PHKA1: variants seen among roughly 807,000 people sequenced by gnomAD.
PHKA1 encodes the protein phosphorylase kinase regulatory subunit alpha 1, also known as phosphorylase b kinase regulatory subunit alpha, skeletal muscle isoform.
PHKA1 carries 60 observed loss-of-function variants against 110.2 expected under a neutral mutation model. The observed-to-expected ratio is 0.54, with a 90% CI of 0.44 to 0.68. The LOEUF (loss-of-function observed/expected upper bound fraction) is 0.68, where lower values mean the gene tolerates loss of function less well. PHKA1 is among the 30% of genes least tolerant of loss of function. PHKA1 has a pLI of 0.00. For missense variants in PHKA1, 801 were observed against 942.5 expected (o/e 0.85, Z 1.97); for synonymous variants, 316 against 333.6 (o/e 0.95, Z 0.58).
intron 13 of PHKA1, among the ~76,000 whole-genome samples, chrX:72,648,873 TA>T (rs1292481679): frequency 1.8e-5 from 2 of 112,256 alleles, no homozygotes; most frequent in African/African-American, 6.5e-5. Flanking sequence ...AGTGAATGGC[TA>T]AAAGTATAGG....
At position 72,648,092 on chromosome X, in the gene PHKA1, T is replaced by C. The variant is rs889960263; in HGVS notation, c.1324+2298A>G. On this transcript the variant is annotated intron_variant, in intron 13 of 31. Coordinates refer to ENST00000373542, the MANE Select transcript of PHKA1 (RefSeq NM_002637.4). The stretch of plus-strand genomic sequence containing the variant: ...AAGGGAAGATAAAAAAGTGGAAGTT[T>C]GGATGAGAAAGAAAGAAGCTATATA... Among the ~76,000 whole-genome samples the C allele has an allele frequency of 6.3e-5, 7 of 111,412 alleles. 1 individual carries two copies. Among genetic ancestry groups the C allele is most frequent in the Non-Finnish European group, 1.3e-4 (7 of 53,042 alleles).
At chrX:72,656,703 A>G (rs1306503418) in intron 9 of PHKA1, among the ~76,000 whole-genome samples, 1 of 111,916 alleles carries the variant, frequency 8.9e-6, no homozygotes, top group East Asian at 2.8e-4. Context: ...GGGCAAGGGA[A>G]TAACAGAAAG....
chrX:72,666,096 C>T, intron 8 of PHKA1, 55 bp downstream of exon 8: 8 of 1,163,813 alleles, frequency 6.9e-6, no homozygotes, highest in Non-Finnish European at 9.4e-6. Context: ...CCCAAAGGCA[C>T]AATTTATCCT....
At chrX:72,620,292 A>G (rs1006639954) in intron 19 of PHKA1, among the ~76,000 whole-genome samples, 5 of 111,925 alleles carry the variant, frequency 4.5e-5, no homozygotes, top group Non-Finnish European at 9.4e-5. Flanking sequence ...AATACAACTG[A>G]AGGAGGGTAG....
intron 5 of PHKA1, among the ~76,000 whole-genome samples, chrX:72,683,203 C>G (rs1411760973): frequency 1.8e-5 from 2 of 111,867 alleles, no homozygotes; most frequent in Non-Finnish European, 3.8e-5. Flanking sequence ...TTTGAGAGGC[C>G]TAGGAGGGTG....
intron 30 of PHKA1, among the ~76,000 whole-genome samples, chrX:72,583,238 T>G (rs1202185150): frequency 9.0e-6 from 1 of 111,606 alleles, no homozygotes; most frequent in Non-Finnish European, 1.9e-5. Context: ...TCTTTGTTAC[T>G]TACTAGTTAT....
At chrX:72,598,408 A>C (rs1443954415) in intron 28 of PHKA1, among the ~76,000 whole-genome samples, 1 of 111,856 alleles carries the variant, frequency 8.9e-6, no homozygotes, top group Non-Finnish European at 1.9e-5. Context: ...TGCTGGTGGG[A>C]ATGTAAAATG....
At chrX:72,706,460 A>C (rs1230108014) in intron 2 of PHKA1, among the ~76,000 whole-genome samples, 1 of 111,717 alleles carries the variant, frequency 9.0e-6, no homozygotes, top group Non-Finnish European at 1.9e-5. Flanking sequence ...TGTTATGGAA[A>C]GTATTTAACA....
At chrX:72,615,994 A>C (rs1342777670) in intron 21 of PHKA1, among the ~76,000 whole-genome samples, 1 of 112,167 alleles carries the variant, frequency 8.9e-6, no homozygotes, top group Non-Finnish European at 1.9e-5. Flanking sequence ...ACATGGACTA[A>C]AAGTGAGCGG....
intron 5 of PHKA1, among the ~76,000 whole-genome samples, chrX:72,680,556 C>A (rs2053835637): frequency 8.9e-6 from 1 of 112,976 alleles, no homozygotes; most frequent in Non-Finnish European, 1.9e-5. Context: ...TGAAATAGTT[C>A]ATCACTAGAA....
chrX:72,664,088 T>G (rs1473137345), intron 8 of PHKA1, among the ~76,000 whole-genome samples: 1 of 111,300 alleles, frequency 9.0e-6, no homozygotes, highest in Non-Finnish European at 1.9e-5. Flanking sequence ...AAGTCCTCAT[T>G]TATCAATAAT....
At chrX:72,681,422 G>A (rs1326441286) in intron 5 of PHKA1, among the ~76,000 whole-genome samples, 18 of 111,492 alleles carry the variant, frequency 1.6e-4, no homozygotes, top group Admixed American at 9.4e-5. Context: ...CGCCCGGCCA[G>A]CCGCCCCATC....
chrX:72,659,255 G>A (rs1556303020), intron 8 of PHKA1, among the ~76,000 whole-genome samples: 1 of 111,177 alleles, frequency 9.0e-6, no homozygotes, highest in Non-Finnish European at 1.9e-5. Context: ...GCACTTTTCA[G>A]ATGGTTCCTG....
intron 4 of PHKA1, among the ~76,000 whole-genome samples, chrX:72,694,701 C>T (rs1412546353): frequency 8.9e-6 from 1 of 111,957 alleles, no homozygotes; most frequent in Non-Finnish European, 1.9e-5. Context: ...AATCAATAAA[C>T]ATTTGTTGAA....
chrX:72,688,341 A>T (rs1301560163), intron 4 of PHKA1, among the ~76,000 whole-genome samples: 1 of 112,184 alleles, frequency 8.9e-6, no homozygotes, highest in Non-Finnish European at 1.9e-5. Flanking sequence ...CTTCTTGGAA[A>T]GACGCCGGTA....
intron 29 of PHKA1, 90 bp downstream of exon 29, chrX:72,593,014 A>G (rs2052542317): frequency 1.7e-6 from 1 of 589,411 alleles, no homozygotes; most frequent in Admixed American, 2.3e-5. Flanking sequence ...ACATAATTGC[A>G]GTGATTATAT....
chrX:72,612,683 G>A (rs1474589409), intron 21 of PHKA1, among the ~76,000 whole-genome samples: 1 of 111,488 alleles, frequency 9.0e-6, no homozygotes, highest in African/African-American at 3.3e-5. Context: ...AGTAGATCTA[G>A]ATTGTGGTAA....
intron 28 of PHKA1, 37 bp downstream of exon 28, chrX:72,601,954 A>T (rs1556243547): frequency 9.2e-7 from 1 of 1,083,172 alleles, no homozygotes; most frequent in South Asian, 1.9e-5. Flanking sequence ...AACTAAAGGT[A>T]AGTTAAACCA....
chrX:72,610,803 T>C (rs2052797875), intron 22 of PHKA1, among the ~76,000 whole-genome samples: 1 of 111,744 alleles, frequency 8.9e-6, no homozygotes, highest in Non-Finnish European at 1.9e-5. Flanking sequence ...TCTTAAGATA[T>C]AGAATTCTTA....
Sources: gnomAD v4.1 joint callset for allele counts (sites outside exome capture counted in the v4.1 genomes callset) on GRCh38, gnomAD v4.1.1 for gene constraint, MANE v1.5 for transcripts, NCBI Gene and HGNC (gene_info 2026-07-23, HGNC 2026-07-21) for gene names.